Variants in MAP7D1 observed in about 807,000 individuals in gnomAD.
MAP7D1 encodes MAP7 domain-containing protein 1.
MAP7D1 carries 30 observed loss-of-function variants against 97.5 expected under a neutral mutation model. That is an observed-to-expected ratio of 0.31 (90% CI 0.23 to 0.42). The LOEUF (loss-of-function observed/expected upper bound fraction) is 0.42, where lower values mean the gene tolerates loss of function less well. Among genes scored for constraint, MAP7D1 ranks in the 10% least tolerant of loss-of-function variants. The pLI is 1.00. For missense variants in MAP7D1, 1,184 were observed against 1,179.5 expected (o/e 1.00, Z -0.06); for synonymous variants, 536 against 477.1 (o/e 1.12, Z -1.61).
Position 36,176,723 on chromosome 1 carries a change from G to A in MAP7D1, c.1260G>A (p.Lys420=), listed in dbSNP as rs1410458211. 1.9e-6 allele frequency: 3 copies of A among 1,603,930 alleles called. No homozygotes were observed. The highest frequency in any genetic ancestry group is 3.3e-4 in the Middle Eastern group (2 of 6,056). Residue 420 remains lysine, a synonymous_variant, in exon 8 of 17, where the codon AAG becomes AAA. Transcript: ENST00000474796. The surrounding 1 kb of genome is among the most constrained non-coding windows in gnomAD (Gnocchi z 6.1). ...SPVQKKEKKD[K]ERENEKEKSA... ...TGCAGAAAAAGGAGAAGAAGGACAA[G>A]GAGCGGGAAAACGAGAAGGAGAAGA...
At chr1:36,174,178 A>G (rs562929) in intron 5 of MAP7D1, among the ~76,000 whole-genome samples, 5,069 of 152,256 alleles carry the variant, frequency 0.033, 281 homozygotes, top group African/African-American at 0.11. Flanking sequence ...GAGGTGGTAG[A>G]TAGATGTTTG....
chr1:36,156,794 C>T (rs1164490349), intron 1 of MAP7D1, among the ~76,000 whole-genome samples: 1 of 152,122 alleles, frequency 6.6e-6, no homozygotes, highest in Admixed American at 6.5e-5. Context: ...TCACCCCGGG[C>T]CTTGAAGATC....
rs959761814 is a variant in MAP7D1, at chr1:36,177,902, C to T, written c.1409C>T (p.Pro470Leu). The T allele has an allele frequency of 6.5e-7, 1 of 1,543,446 alleles. No homozygotes were observed. Among genetic ancestry groups the T allele is most frequent in the African/African-American group, 1.4e-5 (1 of 72,622 alleles). ...AAATCCAAGGCCAGGCCATCCTCTC[C>T]CTCCACATCCTGGCACAGGCCTGCC... ...SPKSKARPSS[P>L]STSWHRPASP... The change falls in exon 9 of 17, where the codon CCC (proline) becomes CTC (leucine). Residue 470 changes from proline (P) to leucine (L), a missense_variant. Transcript: ENST00000474796.
rs1316733235 is a variant in MAP7D1, at chr1:36,180,775, C to T, written c.*517C>T. ...ACTGGTTGCTTCAGGGGTACCCATGCCCCCTGCCCTCGCCTGGAATCAGTG... is the reference window on the plus strand; with the variant it reads ...ACTGGTTGCTTCAGGGGTACCCATGTCCCCTGCCCTCGCCTGGAATCAGTG... On this transcript the variant is annotated 3_prime_UTR_variant, in exon 17 of 17. Coordinates refer to ENST00000474796, the MANE Select transcript of MAP7D1 (RefSeq NM_001388490.1). The T allele has an allele frequency of 1.2e-5, 2 of 170,330 alleles. No individual in the cohort carries two copies. The highest frequency in any genetic ancestry group is 2.6e-5 in the Non-Finnish European group (2 of 77,392). 10.6% of individuals were successfully genotyped at this position (170,330 alleles called of 1,614,324 possible).
In MAP7D1 at chr1:36,156,922, C is replaced by T. The variant is rs371118022; in HGVS notation, c.46+459C>T. ...GCCTGGGCCCTGCATACCGACGCCT[C>T]GGCCTTAGTGCCCGTACCCTCAGGC... On this transcript the variant is annotated intron_variant, in intron 1 of 16. Transcript: ENST00000474796. Among the ~76,000 whole-genome samples the T allele has an allele frequency of 6.0e-4, 92 of 152,104 alleles. 2 individuals are homozygous for T. The East Asian group carries it at 9.7e-3, about 16-fold the overall frequency.
chr1:36,157,784 G>A (rs1644357866), intron 1 of MAP7D1, among the ~76,000 whole-genome samples: 1 of 152,214 alleles, frequency 6.6e-6, no homozygotes. Context: ...TGCCAGCGAG[G>A]ATGCTTCTAG....
chr1:36,178,877 A>G (rs1209070270), intron 11 of MAP7D1, 44 bp from the exon 12 acceptor site: 1 of 1,548,490 alleles, frequency 6.5e-7, no homozygotes. Context: ...GCCGGGAGGG[A>G]AGGCTGGAGT....
Position 36,176,908 on chromosome 1 carries a change from T to C in MAP7D1, c.1379+66T>C, listed in dbSNP as rs1644635499. 5 of 1,394,028 alleles carry C rather than the reference T, an allele frequency of 3.6e-6. No homozygotes were observed. The South Asian group carries it at 5.0e-5, about 14-fold the overall frequency. The allele number at this position is 1,394,028 out of a possible 1,614,324, so 86.4% of individuals were successfully genotyped here. ...TCATTTATTCATCACCCACAAATAT[T>C]TGTTGGGCAACCACCTCTAGAATGC... is the stretch of plus-strand genomic sequence containing the variant. On this transcript the variant is annotated intron_variant, in intron 8 of 16. Coordinates refer to ENST00000474796, the MANE Select transcript of MAP7D1 (RefSeq NM_001388490.1). The surrounding 1 kb of genome is among the most constrained non-coding windows in gnomAD (Gnocchi z 6.1).
intron 14 of MAP7D1, 25 bp from the exon 15 acceptor site, chr1:36,179,641 G>A (rs1174151602): frequency 1.9e-6 from 3 of 1,541,410 alleles, no homozygotes; most frequent in South Asian, 1.2e-5. Context: ...GCCCCTGGCT[G>A]ATGGCCCCTC....
At chr1:36,166,921 G>T (rs1644481385) in intron 1 of MAP7D1, among the ~76,000 whole-genome samples, 1 of 152,190 alleles carries the variant, frequency 6.6e-6, no homozygotes, top group African/African-American at 2.4e-5. Flanking sequence ...CATTAACTGA[G>T]ATGGGGAAAA....
intron 8 of MAP7D1, chr1:36,177,513 T>C (rs1295466405): frequency 1.9e-6 from 1 of 519,344 alleles, no homozygotes; most frequent in South Asian, 1.6e-5. Flanking sequence ...GTCAGCCAGA[T>C]TCTGTCTTAA....
At position 36,160,909 on chromosome 1, in the gene MAP7D1, G is replaced by T. The variant is rs780315922; in HGVS notation, c.46+4446G>T. 4.1e-4 allele frequency among the ~76,000 whole-genome samples: 62 copies of T among 152,322 alleles called. No homozygotes were observed. The Middle Eastern group carries it at 0.014, about 33-fold the overall frequency. ...CCCAGGTGGTGGTAATAGTCCAGCT[G>T]GGGGGGCATCTCCAGGCCTTGGCCT... On this transcript the variant is annotated intron_variant, in intron 1 of 16. Coordinates refer to ENST00000474796, the MANE Select transcript of MAP7D1 (RefSeq NM_001388490.1).
chr1:36,177,836 G>A, intron 8 of MAP7D1, 37 bp from the exon 9 acceptor site: 3 of 1,521,450 alleles, frequency 2.0e-6, no homozygotes, highest in African/African-American at 1.4e-5. Flanking sequence ...GTGGGTGTGT[G>A]TGTCTCCTAA....
At position 36,180,381 on chromosome 1, in the gene MAP7D1, C is replaced by G. The variant is rs1024352667; in HGVS notation, c.*123C>G. 1.4e-6 allele frequency: 2 copies of G among 1,391,122 alleles called. No individual in the cohort carries two copies. Among genetic ancestry groups the G allele is most frequent in the East Asian group, 2.3e-5 (1 of 43,788 alleles). 86.2% of individuals were successfully genotyped at this position (1,391,122 alleles called of 1,614,324 possible). On this transcript the variant is annotated 3_prime_UTR_variant, in exon 17 of 17. Coordinates refer to ENST00000474796, the MANE Select transcript of MAP7D1 (RefSeq NM_001388490.1). Reference sequence around the variant, plus strand: ...GCCTGGGCCCCTGGGGGTGGGTCCTCTCTGTTGTTTTTAATCTGCACCTTA... The same window carrying G: ...GCCTGGGCCCCTGGGGGTGGGTCCTGTCTGTTGTTTTTAATCTGCACCTTA...
At chr1:36,170,301 A>C (rs1644523562) in intron 1 of MAP7D1, among the ~76,000 whole-genome samples, 2 of 152,222 alleles carry the variant, frequency 1.3e-5, no homozygotes, top group South Asian at 4.1e-4. Context: ...CTTGGGGAAA[A>C]AAGATTATAA....
In MAP7D1 at chr1:36,180,031, C is replaced by T. The variant is rs1013089535; in HGVS notation, c.2476C>T (p.Leu826Phe). The T allele has an allele frequency of 1.2e-5, 20 of 1,614,006 alleles. No homozygotes were observed. The highest frequency in any genetic ancestry group is 4.0e-5 in the African/African-American group (3 of 74,938). Residue 826 changes from leucine to phenylalanine, a missense_variant, in exon 16 of 17, where the codon CTC (leucine) becomes TTC (phenylalanine). Leu to Phe is a conservative substitution (Grantham distance 22). Transcript: ENST00000474796. The stretch of plus-strand genomic sequence containing the variant: ...GCCCTTTGCAGAGGCAGAAGCCTTC[C>T]TCAAGAAAGCTGTGGTGCAGTCCCC... ...LLPFAEAEAF[L>F]KKAVVQSPQV...
At position 36,180,234 on chromosome 1, in the gene MAP7D1, C is replaced by G. The variant is rs1191763035; in HGVS notation, c.2513-14C>G. On this transcript the variant is annotated splice_polypyrimidine_tract_variant and intron_variant, in intron 16 of 16. Coordinates refer to ENST00000474796, the MANE Select transcript of MAP7D1 (RefSeq NM_001388490.1). ...CTGTTTGCCCTGACTGTTTCCCTTC[C>G]TGTTTTTCCCCAGAAGTCCTTTAAG... is the stretch of plus-strand genomic sequence containing the variant. 1 of 1,614,192 alleles carries G rather than the reference C, an allele frequency of 6.2e-7. No individual in the cohort carries two copies. Among genetic ancestry groups the G allele is most frequent in the Non-Finnish European group, 8.5e-7 (1 of 1,180,048 alleles).
chr1:36,172,489 G>A lies in MAP7D1; in HGVS notation c.486G>A (p.Glu162=). ...YLAAKKAVWL[E]KEEKAKALRE... ...CGGCCAAGAAGGCAGTGTGGCTGGA[G>A]AAGGAGGAGAAGGCCAAGGCGCTGC... The change falls in exon 4 of 17, where the codon GAG becomes GAA. Residue 162 remains glutamate (E), a synonymous_variant. Coordinates refer to ENST00000474796, the MANE Select transcript of MAP7D1 (RefSeq NM_001388490.1). 6.3e-7 allele frequency: 1 copy of A among 1,593,586 alleles called. No individual in the cohort carries two copies. The highest frequency in any genetic ancestry group is 1.1e-5 in the South Asian group (1 of 90,064).
rs372223222 is a variant in MAP7D1, at chr1:36,178,688, A to C, written c.1890A>C (p.Arg630=). Residue 630 remains arginine, a synonymous_variant, in exon 11 of 17, where the codon CGA becomes CGC. Transcript: ENST00000474796. Reference sequence around the variant, plus strand: ...AGCCGTTTGCTCCGTCCCCCAGGCGAATGCGAGAGGAGCAGCTGGCACGGG... The same window carrying C: ...AGCCGTTTGCTCCGTCCCCCAGGCGCATGCGAGAGGAGCAGCTGGCACGGG... The part of the protein sequence containing the change: ...ERRLQAERDK[R]MREEQLAREA... 5.2e-5 allele frequency: 79 copies of C among 1,530,350 alleles called. No individual in the cohort carries two copies. The highest frequency in any genetic ancestry group is 6.8e-5 in the Non-Finnish European group (77 of 1,138,706). 94.8% of individuals were successfully genotyped at this position (1,530,350 alleles called of 1,614,324 possible). A position where few individuals can be genotyped will look rare whatever the true frequency, so the allele number is the denominator to read the frequency against.
Sources: allele counts gnomAD v4.1 joint callset (sites outside exome capture counted in the v4.1 genomes callset), GRCh38; gene constraint gnomAD v4.1.1; non-coding constraint Gnocchi (gnomAD v3.1); transcripts MANE v1.5; gene names NCBI Gene and HGNC (gene_info 2026-07-23, HGNC 2026-07-21).